CD99L2: variants seen among roughly 807,000 people sequenced by gnomAD.
The protein encoded by CD99L2 is CD99 molecule like 2, also known as CD99 antigen-like protein 2.
A neutral mutation model predicts 27.3 loss-of-function variants in CD99L2; 24 were observed. The observed-to-expected ratio is 0.88, with a 90% confidence interval of 0.64 to 1.24. The LOEUF is 1.24. Ranked by LOEUF, CD99L2 falls within the 50% of genes most tolerant of loss-of-function variation. The pLI is 0.00. For missense variants in CD99L2, 255 were observed against 221.6 expected (o/e 1.15, Z -0.96); for synonymous variants, 97 against 87.9 (o/e 1.10, Z -0.58).
intron 4 of CD99L2, among the ~76,000 whole-genome samples, chrX:150,796,910 GAA>G (rs1557419924): frequency 8.9e-6 from 1 of 111,835 alleles, no homozygotes; most frequent in African/African-American, 3.2e-5. Flanking sequence ...AAGGGTCAAA[GAA>G]AAAGTTTCAA....
At chrX:150,895,983 G>A (rs910939720) in intron 1 of CD99L2, among the ~76,000 whole-genome samples, 5 of 94,571 alleles carry the variant, frequency 5.3e-5, no homozygotes, top group Admixed American at 1.3e-4. Flanking sequence ...CCGAGATCGC[G>A]CCACTGCACT....
At chrX:150,868,122 ATAATAT>A (rs1359140086) in intron 1 of CD99L2, among the ~76,000 whole-genome samples, 10 of 98,835 alleles carry the variant, frequency 1.0e-4, no homozygotes, top group Admixed American at 9.8e-4. Context: ...AATAATAATA[ATAATAT>A]ATTGTATGGT....
At chrX:150,891,196 T>C (rs1175073231) in intron 1 of CD99L2, among the ~76,000 whole-genome samples, 2 of 112,763 alleles carry the variant, frequency 1.8e-5, no homozygotes, top group Non-Finnish European at 3.7e-5. Context: ...CATCCTGTTT[T>C]GGCTATAACA....
At chrX:150,889,157 G>A (rs1334219028) in intron 1 of CD99L2, among the ~76,000 whole-genome samples, 2 of 112,658 alleles carry the variant, frequency 1.8e-5, no homozygotes, top group Admixed American at 9.4e-5. Context: ...ATCTCCTTGA[G>A]GGCAGGTGCA....
rs370763385 is a variant in CD99L2, at chrX:150,898,054, A to ACCCCCCCCCCCCC, written c.67+455_67+467dup. Among the ~76,000 whole-genome samples, 3 of 29,967 alleles carry ACCCCCCCCCCCCC rather than the reference A, an allele frequency of 1.0e-4. 1 individual carries two copies. Among genetic ancestry groups the ACCCCCCCCCCCCC allele is most frequent in the Non-Finnish European group, 2.3e-4 (3 of 13,189 alleles). 26.0% of individuals were successfully genotyped at this position (29,967 alleles called of 115,157 possible). On this transcript the variant is annotated intron_variant, in intron 1 of 10. Transcript: ENST00000370377. ...AGCTGGTTAGACCTACGCCTCGCTGACCCCCCCCCCCCCCCCCCACAGCCC... is the reference window on the plus strand; with the variant it reads ...AGCTGGTTAGACCTACGCCTCGCTGACCCCCCCCCCCCCCCCCCCCCCCCCCCCCCCACAGCCC...
intron 1 of CD99L2, among the ~76,000 whole-genome samples, chrX:150,892,017 G>A (rs1401684373): frequency 9.2e-6 from 1 of 108,747 alleles, no homozygotes; most frequent in African/African-American, 3.4e-5. Flanking sequence ...GTCGAGAGTT[G>A]GAGACCAGCC....
chrX:150,817,003 C>A (rs1156800389), intron 2 of CD99L2, among the ~76,000 whole-genome samples: 1 of 84,441 alleles, frequency 1.2e-5, no homozygotes, highest in Non-Finnish European at 2.2e-5. Flanking sequence ...ACAATGAGAA[C>A]ACATGGACAC....
chrX:150,830,810 T>C (rs111613321), intron 2 of CD99L2, among the ~76,000 whole-genome samples: 20,458 of 110,119 alleles, frequency 0.19, 1,490 homozygotes, highest in African/African-American at 0.25. Flanking sequence ...TTTTCTTTTC[T>C]TTTCTTTTCT....
chrX:150,795,448 C>T lies in CD99L2; in HGVS notation c.316G>A (p.Val106Ile). ...NHVTTTTKRPVTTRAPANTLG... is the reference protein window; with the variant it reads ...NHVTTTTKRPITTRAPANTLG... ...GTATTTGCTGGAGCTCTGGTGGTTA[C>T]TGGCCTCTTGGTCGTGGTGGTTACA... Residue 106 changes from valine to isoleucine, a missense_variant, in exon 5 of 11, where the codon GTA becomes ATA. Val to Ile is a conservative substitution (Grantham distance 29, BLOSUM62 3). Coordinates refer to ENST00000370377, the MANE Select transcript of CD99L2 (RefSeq NM_031462.4). 8.3e-7 allele frequency: 1 copy of T among 1,211,645 alleles called. No individual in the cohort carries two copies. The highest frequency in any genetic ancestry group is 1.1e-6 in the Non-Finnish European group (1 of 895,477).
chrX:150,816,879 G>A (rs1040817737), intron 2 of CD99L2, among the ~76,000 whole-genome samples: 7 of 110,043 alleles, frequency 6.4e-5, no homozygotes, highest in Non-Finnish European at 1.3e-4. Flanking sequence ...AGAAAAGGGT[G>A]AGTTCATGTC....
intron 9 of CD99L2, among the ~76,000 whole-genome samples, chrX:150,771,003 CG>C (rs1292762108): frequency 1.8e-5 from 2 of 112,489 alleles, no homozygotes; most frequent in African/African-American, 6.5e-5. Flanking sequence ...AAGAGGGATT[CG>C]GGGACTGTAC....
intron 1 of CD99L2, among the ~76,000 whole-genome samples, chrX:150,845,757 G>A (rs782040894): frequency 5.4e-5 from 6 of 112,085 alleles, no homozygotes; most frequent in South Asian, 3.7e-4. Context: ...TAAGGTGGAT[G>A]GCATGATAGA....
chrX:150,825,653 G>A (rs1461972409), intron 2 of CD99L2, among the ~76,000 whole-genome samples: 4 of 112,292 alleles, frequency 3.6e-5, no homozygotes, highest in Non-Finnish European at 7.5e-5. Context: ...CTTTAAATGG[G>A]ATTTCTTATT....
chrX:150,866,448 A>G (rs2047062279), intron 1 of CD99L2, among the ~76,000 whole-genome samples: 1 of 111,784 alleles, frequency 8.9e-6, no homozygotes, highest in Non-Finnish European at 1.9e-5. Context: ...ATGGGTACAA[A>G]AACGCTGGGT....
rs782620458 is a variant in CD99L2, at chrX:150,827,390, T to C, written c.130+3841A>G. The stretch of plus-strand genomic sequence containing the variant: ...ATCACATACAGGTGGTTCTAGGGGT[T>C]CCCAGAGACACTGGCTGATGGGTGC... On this transcript the variant is annotated intron_variant, in intron 2 of 10. Transcript: ENST00000370377. Among the ~76,000 whole-genome samples the C allele has an allele frequency of 2.3e-4, 26 of 111,202 alleles. No individual in the cohort carries two copies. In the South Asian group the frequency reaches 2.7e-3, roughly 12 times the overall value.
chrX:150,839,716 C>T lies in CD99L2; in HGVS notation c.68-8423G>A, dbSNP rs57077456. On this transcript the variant is annotated intron_variant, in intron 1 of 10. Transcript: ENST00000370377. Reference sequence around the variant, plus strand: ...GACTCCATCTCAACAACCACAACAACAACAACAAAAATTTAAAAATTAGCC... The same window carrying T: ...GACTCCATCTCAACAACCACAACAATAACAACAAAAATTTAAAAATTAGCC... 6.6e-3 allele frequency among the ~76,000 whole-genome samples: 711 copies of T among 107,676 alleles called. 6 individuals carry two copies. Among genetic ancestry groups the T allele is most frequent in the African/African-American group, 0.02 (580 of 29,392 alleles). 93.5% of individuals were successfully genotyped at this position (107,676 alleles called of 115,157 possible).
At chrX:150,884,081 T>C (rs1557422561) in intron 1 of CD99L2, among the ~76,000 whole-genome samples, 1 of 111,902 alleles carries the variant, frequency 8.9e-6, no homozygotes, top group Non-Finnish European at 1.9e-5. Context: ...AAATACTGCA[T>C]AACTCAGGAA....
Position 150,766,437 on chromosome X carries a change from A to G in CD99L2, c.*2597T>C, listed in dbSNP as rs1159378581. The G allele has an allele frequency of 9.0e-6, 1 of 110,938 alleles. No individual in the cohort carries two copies. Among genetic ancestry groups the G allele is most frequent in the African/African-American group, 3.3e-5 (1 of 30,387 alleles). The allele number at this position is 110,938 out of a possible 1,213,427, so 9.1% of individuals were successfully genotyped here. A position where few individuals can be genotyped will look rare whatever the true frequency, so the allele number is the denominator to read the frequency against. Reference sequence around the variant, plus strand: ...ATGTACAGGGAATTCTGGAATTTTGAGATCAGTCCCCATTTCTTCCTCAGG... The same window carrying G: ...ATGTACAGGGAATTCTGGAATTTTGGGATCAGTCCCCATTTCTTCCTCAGG... On this transcript the variant is annotated 3_prime_UTR_variant, in exon 11 of 11. Coordinates refer to ENST00000370377, the MANE Select transcript of CD99L2 (RefSeq NM_031462.4).
intron 2 of CD99L2, among the ~76,000 whole-genome samples, chrX:150,824,583 AAGGAGGAGAAGAAGAAGGAGG>A (rs2046331407): frequency 1.1e-5 from 1 of 89,860 alleles, no homozygotes; most frequent in South Asian, 6.8e-4. Flanking sequence ...GGAGGAGGAG[AAGGAGGAGAAGAAGAAGGAGG>A]AGAAGAAGAA....
Sources: gnomAD v4.1 joint callset for allele counts (sites outside exome capture counted in the v4.1 genomes callset) on GRCh38, gnomAD v4.1.1 for gene constraint, MANE v1.5 for transcripts, NCBI Gene and HGNC (gene_info 2026-07-23, HGNC 2026-07-21) for gene names.